TMEM150B: variants seen among roughly 807,000 people sequenced by gnomAD.
TMEM150B encodes the protein modulator of macroautophagy TMEM150B.
A neutral mutation model predicts 25.2 loss-of-function variants in TMEM150B; 33 were observed. The ratio of observed to expected loss-of-function variants is 1.31; its 90% CI spans 0.99 to 1.75. The LOEUF (loss-of-function observed/expected upper bound fraction) is 1.75. Among genes scored for constraint, TMEM150B ranks in the 40% most tolerant of loss-of-function variants. The probability of loss-of-function intolerance (pLI) is 0.00; values close to 1 mark genes in which losing one functional copy is unlikely to be tolerated. For missense variants in TMEM150B, 322 were observed against 306.1 expected (o/e 1.05, Z -0.39); for synonymous variants, 133 against 134.8 (o/e 0.99, Z 0.09).
downstream of TMEM150B, among the ~76,000 whole-genome samples, chr19:55,311,634 G>A (rs1189216501): frequency 2.0e-5 from 3 of 152,192 alleles, no homozygotes; most frequent in Non-Finnish European, 4.4e-5. Context: ...AGTCAGGCCC[G>A]GCCCAGGCCC....
chr19:55,314,366 G>C (rs1459237394), intron 7 of TMEM150B, among the ~76,000 whole-genome samples: 1 of 151,942 alleles, frequency 6.6e-6, no homozygotes, highest in East Asian at 1.9e-4. Flanking sequence ...AGAAACCCAA[G>C]CCTCTGATCC....
At chr19:55,312,096 C>T (rs1442692532), downstream of TMEM150B, 6 of 1,049,898 alleles carry the variant, frequency 5.7e-6, no homozygotes, top group East Asian at 3.0e-5. Flanking sequence ...GGGAGGGGAC[C>T]CCCCTCCACC....
Position 55,312,839 on chromosome 19 carries a change from G to T in TMEM150B, c.*20C>A. 1 of 1,561,900 alleles carries T rather than the reference G, an allele frequency of 6.4e-7. No homozygotes were observed. The highest frequency in any genetic ancestry group is 8.7e-7 in the Non-Finnish European group (1 of 1,154,524). On this transcript the variant is annotated 3_prime_UTR_variant, in exon 8 of 8. Coordinates refer to ENST00000326652, the MANE Select transcript of TMEM150B (RefSeq NM_001282011.2). ...TTTCCTGCTTCACTGGTGAGGGCAAGGCCCGGGTCAGGGTGCCTGCTACAG... is the reference window on the plus strand; with the variant it reads ...TTTCCTGCTTCACTGGTGAGGGCAATGCCCGGGTCAGGGTGCCTGCTACAG...
chr19:55,311,522 GGA>G (rs1044308030), downstream of TMEM150B, among the ~76,000 whole-genome samples: 9 of 152,310 alleles, frequency 5.9e-5, no homozygotes, highest in East Asian at 1.9e-4. Context: ...AACCAGGGTA[GGA>G]GAGAGTCGGG....
At chr19:55,321,217 T>C in intron 2 of TMEM150B, 124 bp from the exon 3 acceptor site, 1 of 1,318,616 alleles carries the variant, frequency 7.6e-7, no homozygotes, top group African/African-American at 1.5e-5. Context: ...AGCTCTCCAT[T>C]TCCAGGCAAT....
chr19:55,311,874 C>T, downstream of TMEM150B: 1 of 1,604,876 alleles, frequency 6.2e-7, no homozygotes, highest in Non-Finnish European at 8.5e-7. Context: ...CAACCCTGGG[C>T]TGCGGAACCC....
At chr19:55,316,740 A>G in intron 7 of TMEM150B, 46 bp downstream of exon 7, 1 of 1,423,788 alleles carries the variant, frequency 7.0e-7, no homozygotes, top group Non-Finnish European at 9.2e-7. Flanking sequence ...GACCAACTCC[A>G]GTGAAGAGCC....
chr19:55,318,932 T>C (rs763128972), intron 6 of TMEM150B, among the ~76,000 whole-genome samples: 2 of 151,764 alleles, frequency 1.3e-5, no homozygotes, highest in Non-Finnish European at 2.9e-5. Context: ...CTCAGCCTCC[T>C]GCATAGCTGG....
downstream of TMEM150B, among the ~76,000 whole-genome samples, chr19:55,311,384 G>C (rs544585954): frequency 3.9e-5 from 6 of 152,290 alleles, no homozygotes; most frequent in East Asian, 1.2e-3. Context: ...GTCCCCAAGA[G>C]GAGGTGGCCT....
chr19:55,313,653 C>T (rs901493215), intron 7 of TMEM150B, among the ~76,000 whole-genome samples: 1 of 152,146 alleles, frequency 6.6e-6, no homozygotes, highest in African/African-American at 2.4e-5. Context: ...CAGCTGGTCA[C>T]CCCAAGTCTT....
At position 55,312,895 on chromosome 19, in the gene TMEM150B, C is replaced by G; in HGVS notation, c.666G>C (p.Pro222=). 1 of 1,600,572 alleles carries G rather than the reference C, an allele frequency of 6.2e-7. No homozygotes were observed. Among genetic ancestry groups the G allele is most frequent in the Non-Finnish European group, 8.5e-7 (1 of 1,174,564 alleles). The change falls in exon 8 of 8, where the codon CCG becomes CCC. Residue 222 remains proline, a synonymous_variant. Coordinates refer to ENST00000326652, the MANE Select transcript of TMEM150B (RefSeq NM_001282011.2). The part of the protein sequence containing the change: ...CVQPWPSLSP[P]PASPISLPVQ... ...CCGGCAGGGAGATGGGGGAGGCCGG[C>G]GGGGGGCTGAGGCTGGGCCACGGCT...
At chr19:55,310,888 A>G (rs35380409), downstream of TMEM150B, among the ~76,000 whole-genome samples, 20,023 of 152,098 alleles carry the variant, frequency 0.13, 1,686 homozygotes, top group African/African-American at 0.24. This position sits in a 1 kb window ranked among gnomAD's most constrained non-coding sequence, Gnocchi z 5.0. Context: ...CTCAGCCACC[A>G]TCTCATAAAG....
chr19:55,316,709 T>G (rs1159107166), intron 7 of TMEM150B, 77 bp downstream of exon 7: 2 of 1,327,160 alleles, frequency 1.5e-6, no homozygotes, highest in African/African-American at 3.1e-5. Flanking sequence ...ACATCCCCAG[T>G]GACAGACAGC....
At chr19:55,322,556 G>T in intron 2 of TMEM150B, 92 bp downstream of exon 2, 1 of 480,444 alleles carries the variant, frequency 2.1e-6, no homozygotes, top group Non-Finnish European at 2.7e-6. Context: ...TTCAGTCCTA[G>T]CTCACACATT....
At chr19:55,316,377 G>C (rs1206216116) in intron 7 of TMEM150B, among the ~76,000 whole-genome samples, 1 of 152,002 alleles carries the variant, frequency 6.6e-6, no homozygotes, top group African/African-American at 2.4e-5. Flanking sequence ...TCCTGGCACA[G>C]AGCAGGTGCC....
chr19:55,309,558 T>C (rs1004469496), downstream of TMEM150B, among the ~76,000 whole-genome samples: 6 of 152,160 alleles, frequency 3.9e-5, no homozygotes, highest in Non-Finnish European at 7.4e-5. Flanking sequence ...AGACAGCACG[T>C]TGGTGCTGTG....
At chr19:55,324,605 A>G (rs1209851925) in intron 1 of TMEM150B, 1 of 604,722 alleles carries the variant, frequency 1.7e-6, no homozygotes, top group Non-Finnish European at 2.1e-6. Context: ...CCGAGATCGC[A>G]CCACTGCATT....
At chr19:55,311,257 C>T (rs373212326), downstream of TMEM150B, among the ~76,000 whole-genome samples, 70 of 152,278 alleles carry the variant, frequency 4.6e-4, no homozygotes, top group Non-Finnish European at 7.4e-4. Context: ...CCACTGCGCC[C>T]GGCCCACTCA....
At chr19:55,323,413 CAA>C (rs2089255608) in intron 1 of TMEM150B, among the ~76,000 whole-genome samples, 1 of 150,392 alleles carries the variant, frequency 6.6e-6, no homozygotes, top group Non-Finnish European at 1.5e-5. Flanking sequence ...GCCTGGGTGA[CAA>C]GAGCAAAACT....
Sources: allele counts gnomAD v4.1 joint callset (sites outside exome capture counted in the v4.1 genomes callset), GRCh38; gene constraint gnomAD v4.1.1; non-coding constraint Gnocchi (gnomAD v3.1); transcripts MANE v1.5; gene names NCBI Gene and HGNC (gene_info 2026-07-23, HGNC 2026-07-21).